The following SLC9A9 variants were observed in gnomAD, a reference collection of about 807,000 sequenced individuals.
SLC9A9 encodes the protein sodium/hydrogen exchanger 9.
SLC9A9 carries 62 observed loss-of-function variants against 77.8 expected under a neutral mutation model. The ratio of observed to expected loss-of-function variants is 0.80; its 90% CI spans 0.65 to 0.98. SLC9A9 has a LOEUF of 0.98. Ranked by LOEUF, SLC9A9 falls within the 50% of genes least tolerant of loss-of-function variation. The probability of loss-of-function intolerance (pLI) is 0.00; values close to 1 mark genes in which losing one functional copy is unlikely to be tolerated. For missense variants in SLC9A9, 775 were observed against 774.9 expected, an observed-to-expected ratio of 1.00 and a Z score of 0.00; for synonymous variants, 320 against 283.5, an observed-to-expected ratio of 1.13 and a Z score of -1.29.
chr3:143,743,241 G>GGATAGATAGATA (rs71140453), intron 4 of SLC9A9, among the ~76,000 whole-genome samples: 47 of 133,682 alleles, frequency 3.5e-4, no homozygotes, highest in South Asian at 5.1e-4. Context: ...ATGGATGGAT[G>GGATAGATAGATA]GATAGATAGA....
At chr3:143,727,328 C>G (rs1934680205) in intron 4 of SLC9A9, among the ~76,000 whole-genome samples, 1 of 151,374 alleles carries the variant, frequency 6.6e-6, no homozygotes, top group African/African-American at 2.4e-5. Flanking sequence ...AAGGCAGGAG[C>G]CTTTATCCAA....
At chr3:143,493,295 C>T (rs2035779630) in intron 11 of SLC9A9, among the ~76,000 whole-genome samples, 3 of 152,106 alleles carry the variant, frequency 2.0e-5, no homozygotes, top group Admixed American at 6.5e-5. Flanking sequence ...AGAGTGGCAC[C>T]ATTTACACAC....
At chr3:143,498,987 C>T (rs2035886050) in intron 9 of SLC9A9, among the ~76,000 whole-genome samples, 1 of 152,102 alleles carries the variant, frequency 6.6e-6, no homozygotes, top group Non-Finnish European at 1.5e-5. Context: ...ATAAATTTTG[C>T]TGCTAAAAAT....
chr3:143,713,698 T>C (rs1934256407), intron 4 of SLC9A9, among the ~76,000 whole-genome samples: 1 of 152,180 alleles, frequency 6.6e-6, no homozygotes, highest in Admixed American at 6.5e-5. Context: ...GTTCTTGCCA[T>C]GGTCAGGGGG....
chr3:143,350,809 T>C (rs1031091778), intron 14 of SLC9A9, among the ~76,000 whole-genome samples: 7 of 152,200 alleles, frequency 4.6e-5, no homozygotes, highest in African/African-American at 1.7e-4. Flanking sequence ...TTCAAACTCA[T>C]TGCTCTGTCC....
At position 143,408,533 on chromosome 3, in the gene SLC9A9, A is replaced by T. The variant is rs184816150; in HGVS notation, c.1470-26419T>A. Among the ~76,000 whole-genome samples the T allele has an allele frequency of 3.6e-3, 547 of 152,358 alleles. 1 individual carries two copies. The highest frequency in any genetic ancestry group is 0.013 in the African/African-American group (535 of 41,582). ...GAAGAGAATCCCACAATGGCAGCCA[A>T]TTATTCAAGAAATAACCTCAGGTGA... is the stretch of plus-strand genomic sequence containing the variant. On this transcript the variant is annotated intron_variant, in intron 12 of 15. Coordinates refer to ENST00000316549, the MANE Select transcript of SLC9A9 (RefSeq NM_173653.4).
chr3:143,579,399 C>T (rs955859551), intron 6 of SLC9A9, among the ~76,000 whole-genome samples: 1 of 152,176 alleles, frequency 6.6e-6, no homozygotes, highest in Non-Finnish European at 1.5e-5. Flanking sequence ...AAAAATCAAT[C>T]CACCAATAGG....
At chr3:143,524,917 A>G (rs900915593) in intron 9 of SLC9A9, among the ~76,000 whole-genome samples, 1 of 152,202 alleles carries the variant, frequency 6.6e-6, no homozygotes. Flanking sequence ...TTACGATGCC[A>G]TAGCATGAAG....
intron 5 of SLC9A9, among the ~76,000 whole-genome samples, chr3:143,666,747 T>C (rs1187860969): frequency 6.6e-6 from 1 of 151,996 alleles, no homozygotes; most frequent in Non-Finnish European, 1.5e-5. Context: ...TCAAAGACAA[T>C]AAAATACCTA....
At position 143,384,365 on chromosome 3, in the gene SLC9A9, G is replaced by A. The variant is rs1250562470; in HGVS notation, c.1470-2251C>T. ...GCTGTTCCCTAGAGGCTTCATTGCT[G>A]GATAAACCCAGATCTCAGGGATGAA... On this transcript the variant is annotated intron_variant, in intron 12 of 15. Transcript: ENST00000316549. Among the ~76,000 whole-genome samples the A allele has an allele frequency of 2.6e-5, 4 of 152,276 alleles. No individual in the cohort carries two copies. The East Asian group carries it at 7.7e-4, about 29-fold the overall frequency.
chr3:143,555,843 A>G (rs1247068222), intron 8 of SLC9A9, among the ~76,000 whole-genome samples: 1 of 152,204 alleles, frequency 6.6e-6, no homozygotes, highest in East Asian at 1.9e-4. Flanking sequence ...GTGTGGATGG[A>G]TATGTCATAT....
At chr3:143,423,958 T>A (rs1347419571) in intron 12 of SLC9A9, among the ~76,000 whole-genome samples, 1 of 152,212 alleles carries the variant, frequency 6.6e-6, no homozygotes, top group Non-Finnish European at 1.5e-5. Context: ...ATAAGGGATC[T>A]CTACAAAGTA....
At chr3:143,343,055 C>T (rs1380868811) in intron 14 of SLC9A9, among the ~76,000 whole-genome samples, 1 of 152,200 alleles carries the variant, frequency 6.6e-6, no homozygotes, top group South Asian at 2.1e-4. Flanking sequence ...AAATCTACAA[C>T]TATCCTATTT....
intron 14 of SLC9A9, among the ~76,000 whole-genome samples, chr3:143,276,071 C>CA (rs1938038846): frequency 6.6e-6 from 1 of 152,066 alleles, no homozygotes; most frequent in African/African-American, 2.4e-5. Flanking sequence ...CTATCCTGCT[C>CA]AATTCTAATT....
chr3:143,434,918 C>A (rs2034592960), intron 12 of SLC9A9, among the ~76,000 whole-genome samples: 1 of 152,150 alleles, frequency 6.6e-6, no homozygotes, highest in Non-Finnish European at 1.5e-5. Flanking sequence ...CCACGAGCCC[C>A]TTCTGACCTC....
At chr3:143,411,845 G>A (rs1039216893) in intron 12 of SLC9A9, among the ~76,000 whole-genome samples, 1 of 152,136 alleles carries the variant, frequency 6.6e-6, no homozygotes, top group Non-Finnish European at 1.5e-5. Flanking sequence ...AGGTCTGCCT[G>A]TTGGGGTATT....
intron 4 of SLC9A9, among the ~76,000 whole-genome samples, chr3:143,780,944 T>G (rs2007853713): frequency 6.6e-6 from 1 of 152,210 alleles, no homozygotes; most frequent in Admixed American, 6.5e-5. Flanking sequence ...TTTAGTTGTT[T>G]TAGGCTTACA....
rs1279053500 is a variant in SLC9A9 at position 143,449,907 on chromosome 3, TATA to T, written c.1469+17127_1469+17129del. ...AAATATATAATTATATAACATATAA[TATA>T]ATATTACATAATATATATTACATGT... On this transcript the variant is annotated intron_variant, in intron 12 of 15. Transcript: ENST00000316549. Among the ~76,000 whole-genome samples the T allele has an allele frequency of 1.2e-3, 78 of 63,778 alleles. 4 individuals are homozygous for T. Among genetic ancestry groups the T allele is most frequent in the Non-Finnish European group, 1.9e-3 (74 of 39,960 alleles). The allele number at this position is 63,778 out of a possible 152,430, so 41.8% of individuals were successfully genotyped here.
chr3:143,653,102 G>T (rs190274155), intron 5 of SLC9A9, among the ~76,000 whole-genome samples: 1 of 152,328 alleles, frequency 6.6e-6, no homozygotes, highest in East Asian at 1.9e-4. Flanking sequence ...CTACTCCTGT[G>T]AAGGGAGACA....
Sources: gnomAD v4.1 joint callset for allele counts (sites outside exome capture counted in the v4.1 genomes callset) on GRCh38, gnomAD v4.1.1 for gene constraint, MANE v1.5 for transcripts, NCBI Gene and HGNC (gene_info 2026-07-23, HGNC 2026-07-21) for gene names.